The following MDGA2 variants were observed in gnomAD, a reference collection of about 807,000 sequenced individuals.
MDGA2 encodes MAM domain containing glycosylphosphatidylinositol anchor 2.
In MDGA2, 40 loss-of-function variants were observed where a neutral mutation model predicts 117.8. The observed-to-expected ratio is 0.34, with a 90% CI of 0.26 to 0.44. The LOEUF is 0.44. MDGA2 is among the 20% of genes least tolerant of loss of function. The pLI is 1.00. For synonymous variants in MDGA2, 452 were observed against 439.0 expected, an observed-to-expected ratio of 1.03 and a Z score of -0.37; for missense variants, 1,123 against 1,250.6, an observed-to-expected ratio of 0.90 and a Z score of 1.54.
chr14:46,914,425 C>T (rs1178065544), intron 10 of MDGA2, among the ~76,000 whole-genome samples: 1 of 152,048 alleles, frequency 6.6e-6, no homozygotes, highest in Non-Finnish European at 1.5e-5. Context: ...TTTCTTAAAG[C>T]AGTGATTCCA....
At chr14:47,141,711 G>T (rs1324592290) in intron 4 of MDGA2, among the ~76,000 whole-genome samples, 1 of 145,394 alleles carries the variant, frequency 6.9e-6, no homozygotes, top group Non-Finnish European at 1.5e-5. Flanking sequence ...ATTAGCAGTG[G>T]TTAGAGAGAG....
intron 8 of MDGA2, among the ~76,000 whole-genome samples, chr14:46,991,308 T>A (rs1887085907): frequency 6.6e-6 from 1 of 152,122 alleles, no homozygotes; most frequent in African/African-American, 2.4e-5. Flanking sequence ...CTTATAGTTT[T>A]CAGAAAGAAA....
chr14:46,917,216 A>G (rs922731403), intron 10 of MDGA2, among the ~76,000 whole-genome samples: 3 of 152,226 alleles, frequency 2.0e-5, no homozygotes, highest in Non-Finnish European at 2.9e-5. Flanking sequence ...TGTGAAAACC[A>G]TGACTTGAAA....
chr14:47,059,991 A>C (rs1480545232), intron 7 of MDGA2, among the ~76,000 whole-genome samples: 4 of 152,206 alleles, frequency 2.6e-5, no homozygotes, highest in African/African-American at 9.6e-5. Flanking sequence ...GAATACATAA[A>C]CAAGTGATAA....
rs540218722 is a variant in MDGA2, at chr14:47,371,706, T to C, written c.281-70156A>G. Among the ~76,000 whole-genome samples, 4 of 151,922 alleles carry C rather than the reference T, an allele frequency of 2.6e-5. No homozygotes were observed. In the South Asian group the frequency reaches 8.3e-4, roughly 31 times the overall value. On this transcript the variant is annotated intron_variant, in intron 1 of 16. Transcript: ENST00000399232. The stretch of plus-strand genomic sequence containing the variant: ...CTGTAAGAATAAGAGATTCTCATTA[T>C]TACTGAAAGGGAACCAGAAAATAAG...
intron 3 of MDGA2, among the ~76,000 whole-genome samples, chr14:47,171,132 T>G (rs1282286091): frequency 5.3e-5 from 8 of 152,164 alleles, no homozygotes; most frequent in African/African-American, 1.9e-4. Context: ...ATCATAACGT[T>G]TTAAAAAATT....
intron 5 of MDGA2, among the ~76,000 whole-genome samples, chr14:47,119,079 C>T (rs544862625): frequency 7.7e-4 from 104 of 134,260 alleles, no homozygotes; most frequent in Non-Finnish European, 1.2e-3. Flanking sequence ...GAGACGGAGT[C>T]TCGCTCTGTC....
intron 1 of MDGA2, among the ~76,000 whole-genome samples, chr14:47,633,874 T>A (rs7152684): frequency 0.045 from 6,872 of 152,200 alleles, 146 homozygotes; most frequent in Middle Eastern, 0.068. Context: ...TTTTGTAACA[T>A]AAGGATTGGT....
intron 9 of MDGA2, among the ~76,000 whole-genome samples, chr14:46,931,619 T>A (rs981399655): frequency 6.7e-6 from 1 of 149,782 alleles, no homozygotes; most frequent in Admixed American, 6.7e-5. Context: ...GCCTCCTGGG[T>A]TCCAGTGATT....
intron 3 of MDGA2, among the ~76,000 whole-genome samples, chr14:47,176,443 CA>C (rs1209835019): frequency 2.6e-5 from 4 of 152,056 alleles, no homozygotes; most frequent in Admixed American, 1.3e-4. Flanking sequence ...GTACTGGTAC[CA>C]AAACAGATAT....
At chr14:47,174,793 A>G (rs1884358645) in intron 3 of MDGA2, among the ~76,000 whole-genome samples, 1 of 152,180 alleles carries the variant, frequency 6.6e-6, no homozygotes, top group Non-Finnish European at 1.5e-5. Context: ...AGAAATAACT[A>G]AAATCAGAGG....
intron 5 of MDGA2, among the ~76,000 whole-genome samples, chr14:47,131,408 T>A (rs1262962779): frequency 1.3e-5 from 2 of 152,052 alleles, no homozygotes; most frequent in African/African-American, 4.8e-5. Flanking sequence ...ATATGTAGAA[T>A]CTAGTATTTC....
chr14:47,400,014 C>T (rs1451227278), intron 1 of MDGA2, among the ~76,000 whole-genome samples: 2 of 152,042 alleles, frequency 1.3e-5, no homozygotes, highest in South Asian at 2.1e-4. Context: ...CCCTTTTTCC[C>T]CTGACAATGT....
rs114077370 is a variant in MDGA2, at chr14:46,945,882, A to G, written c.2089+11492T>C. 6.2e-3 allele frequency among the ~76,000 whole-genome samples: 938 copies of G among 152,200 alleles called. 11 individuals carry two copies. The highest frequency in any genetic ancestry group is 0.02 in the African/African-American group (842 of 41,538). ...CTGGCTCCATTAGTATTTTCCAGAT[A>G]ACTTCCAAGATTTTAGCAAAGCTAC... On this transcript the variant is annotated intron_variant, in intron 9 of 16. Transcript: ENST00000399232.
intron 8 of MDGA2, among the ~76,000 whole-genome samples, chr14:47,033,461 C>T (rs1381286783): frequency 1.3e-5 from 2 of 152,120 alleles, no homozygotes; most frequent in Admixed American, 6.6e-5. Flanking sequence ...TGAAGTGTTC[C>T]AAATTACATC....
intron 1 of MDGA2, among the ~76,000 whole-genome samples, chr14:47,357,172 T>G (rs766845859): frequency 6.6e-6 from 1 of 152,280 alleles, no homozygotes; most frequent in African/African-American, 2.4e-5. Flanking sequence ...CCTAGGACAG[T>G]GCACTGAGAG....
chr14:47,337,698 T>A (rs1458012007), intron 1 of MDGA2, among the ~76,000 whole-genome samples: 2 of 151,904 alleles, frequency 1.3e-5, no homozygotes, highest in African/African-American at 4.8e-5. Flanking sequence ...ATGGGGGGGA[T>A]AAGTTGTTCA....
At chr14:47,553,673 CTGTAA>C (rs1325148511) in intron 1 of MDGA2, among the ~76,000 whole-genome samples, 3 of 151,968 alleles carry the variant, frequency 2.0e-5, no homozygotes, top group African/African-American at 7.2e-5. Flanking sequence ...ATGTGTGTGA[CTGTAA>C]TGTATTTATA....
intron 1 of MDGA2, among the ~76,000 whole-genome samples, chr14:47,547,933 CA>C (rs1320227705): frequency 1.3e-5 from 2 of 152,114 alleles, no homozygotes; most frequent in African/African-American, 4.8e-5. Flanking sequence ...AATTTCCATG[CA>C]AAAACTTTGA....
Sources: gnomAD v4.1 joint callset for allele counts (sites outside exome capture counted in the v4.1 genomes callset) on GRCh38, gnomAD v4.1.1 for gene constraint, MANE v1.5 for transcripts, NCBI Gene and HGNC (gene_info 2026-07-23, HGNC 2026-07-21) for gene names.